KCNIP4: variants seen among roughly 807,000 people sequenced by gnomAD.
KCNIP4 encodes Kv channel-interacting protein 4.
KCNIP4 carries 12 observed loss-of-function variants against 34.0 expected under a neutral mutation model. The observed-to-expected ratio is 0.35, with a 90% confidence interval of 0.23 to 0.57. The LOEUF (loss-of-function observed/expected upper bound fraction) is 0.57. KCNIP4 is among the 20% of genes least tolerant of loss of function. The pLI is 0.83. For missense variants in KCNIP4, 238 were observed against 311.7 expected (o/e 0.76, Z 1.78); for synonymous variants, 124 against 102.2 (o/e 1.21, Z -1.29).
chr4:21,021,790 C>T (rs1378178875), intron 1 of KCNIP4, among the ~76,000 whole-genome samples: 3 of 151,862 alleles, frequency 2.0e-5, no homozygotes, highest in Non-Finnish European at 4.4e-5. Flanking sequence ...GGCTATTTTA[C>T]AGTTACCTCC....
intron 1 of KCNIP4, among the ~76,000 whole-genome samples, chr4:21,593,166 A>G (rs1742360518): frequency 6.6e-6 from 1 of 151,480 alleles, no homozygotes; most frequent in Non-Finnish European, 1.5e-5. Flanking sequence ...GAGTGAAAAA[A>G]AAAAGTCCTG....
chr4:21,049,309 T>C (rs1013618032), intron 1 of KCNIP4, among the ~76,000 whole-genome samples: 1 of 152,150 alleles, frequency 6.6e-6, no homozygotes, highest in Non-Finnish European at 1.5e-5. Context: ...GATACATAGT[T>C]ACCCTCCAAA....
At chr4:20,799,544 A>T (rs915765073) in intron 3 of KCNIP4, among the ~76,000 whole-genome samples, 1 of 152,114 alleles carries the variant, frequency 6.6e-6, no homozygotes, top group African/African-American at 2.4e-5. Flanking sequence ...ACCTCCACCC[A>T]TCTGAGCTGG....
intron 1 of KCNIP4, chr4:21,852,032 G>GTGTGTGTA (rs2109337571): frequency 6.6e-6 from 1 of 150,470 alleles, no homozygotes; most frequent in African/African-American, 2.4e-5. Context: ...GTGTGTGTGT[G>GTGTGTGTA]TGTTCACAGA....
At chr4:21,375,727 C>T (rs1720901606) in intron 1 of KCNIP4, among the ~76,000 whole-genome samples, 1 of 151,862 alleles carries the variant, frequency 6.6e-6, no homozygotes, top group African/African-American at 2.4e-5. Context: ...CCACCACGCC[C>T]AGCTAATTTT....
intron 2 of KCNIP4, among the ~76,000 whole-genome samples, chr4:20,879,907 CA>C: frequency 6.6e-6 from 1 of 152,208 alleles, no homozygotes; most frequent in Middle Eastern, 3.4e-3. Context: ...GATATATACA[CA>C]AAGCCATTTA....
chr4:21,469,689 T>C (rs1446769831), intron 1 of KCNIP4, among the ~76,000 whole-genome samples: 5 of 152,162 alleles, frequency 3.3e-5, no homozygotes, highest in Admixed American at 2.0e-4. Flanking sequence ...GCATTTTTTT[T>C]CCACTGAAAT....
intron 1 of KCNIP4, among the ~76,000 whole-genome samples, chr4:21,446,258 G>T (rs1727977845): frequency 6.6e-6 from 1 of 152,048 alleles, no homozygotes; most frequent in Admixed American, 6.5e-5. Flanking sequence ...ATTTGACCCA[G>T]CCATCCCATT....
intron 1 of KCNIP4, among the ~76,000 whole-genome samples, chr4:21,447,978 TTGGA>T (rs1053349235): frequency 2.6e-5 from 4 of 152,006 alleles, no homozygotes; most frequent in African/African-American, 9.7e-5. Context: ...ATTTAATATT[TTGGA>T]CCAGGTTGAC....
chr4:21,557,734 A>AT (rs1739190567), intron 1 of KCNIP4, among the ~76,000 whole-genome samples: 1 of 152,118 alleles, frequency 6.6e-6, no homozygotes, highest in South Asian at 2.1e-4. Flanking sequence ...ATTTGCTTCA[A>AT]TTTTCCAATT....
intron 1 of KCNIP4, among the ~76,000 whole-genome samples, chr4:20,981,317 C>T (rs1018806847): frequency 3.3e-5 from 5 of 152,172 alleles, no homozygotes; most frequent in Non-Finnish European, 7.3e-5. Flanking sequence ...ATGCTTGGGT[C>T]CCATTCCTGG....
chr4:21,869,793 G>C (rs1192493815), intron 1 of KCNIP4, among the ~76,000 whole-genome samples: 1 of 151,758 alleles, frequency 6.6e-6, no homozygotes, highest in Admixed American at 6.6e-5. Context: ...TAGACAGACA[G>C]ACAGATAGAT....
chr4:21,031,410 C>T (rs549250861), intron 1 of KCNIP4, among the ~76,000 whole-genome samples: 1 of 152,296 alleles, frequency 6.6e-6, no homozygotes, highest in African/African-American at 2.4e-5. Flanking sequence ...CAGTGAGTGG[C>T]AAAACCTAGT....
intron 1 of KCNIP4, among the ~76,000 whole-genome samples, chr4:21,300,292 A>G (rs1319357501): frequency 6.6e-6 from 1 of 152,186 alleles, no homozygotes; most frequent in African/African-American, 2.4e-5. Context: ...AGTTGAAAGA[A>G]AAAGGCAATT....
chr4:21,102,717 G>C (rs1748055391), intron 1 of KCNIP4, among the ~76,000 whole-genome samples: 1 of 152,044 alleles, frequency 6.6e-6, no homozygotes, highest in South Asian at 2.1e-4. Context: ...AAAATCTTCA[G>C]ACATTATACA....
At position 21,127,929 on chromosome 4, in the gene KCNIP4, C is replaced by T. The variant is rs145104241; in HGVS notation, c.62-245220G>A. 7.3e-3 allele frequency among the ~76,000 whole-genome samples: 1,108 copies of T among 152,300 alleles called. 21 individuals are homozygous for T. The highest frequency in any genetic ancestry group is 0.025 in the African/African-American group (1,047 of 41,558). On this transcript the variant is annotated intron_variant, in intron 1 of 8. Coordinates refer to ENST00000382152, the MANE Select transcript of KCNIP4 (RefSeq NM_025221.6). ...TGGAGCCAAAAAGTTCATTATCTGCCTCAATCAATATTTATAACAGGTATA... is the reference window on the plus strand; with the variant it reads ...TGGAGCCAAAAAGTTCATTATCTGCTTCAATCAATATTTATAACAGGTATA...
chr4:21,672,911 T>C (rs1305018107), intron 1 of KCNIP4, among the ~76,000 whole-genome samples: 2 of 152,348 alleles, frequency 1.3e-5, no homozygotes, highest in Middle Eastern at 3.4e-3. Flanking sequence ...ACAAGACTGT[T>C]GGCGGGAGGC....
intron 1 of KCNIP4, among the ~76,000 whole-genome samples, chr4:21,840,156 G>T (rs1723590292): frequency 6.6e-6 from 1 of 151,570 alleles, no homozygotes; most frequent in Non-Finnish European, 1.5e-5. Context: ...ATAATGGAGA[G>T]GGGTTAGGGC....
intron 1 of KCNIP4, among the ~76,000 whole-genome samples, chr4:21,098,936 C>T (rs1320745969): frequency 6.6e-6 from 1 of 152,124 alleles, no homozygotes; most frequent in Non-Finnish European, 1.5e-5. Flanking sequence ...TAACATCAGT[C>T]AGAATGGCAA....
Sources: gnomAD v4.1 joint callset for allele counts (sites outside exome capture counted in the v4.1 genomes callset) on GRCh38, gnomAD v4.1.1 for gene constraint, MANE v1.5 for transcripts, NCBI Gene and HGNC (gene_info 2026-07-23, HGNC 2026-07-21) for gene names.